CSMD1: variants seen among roughly 807,000 people sequenced by gnomAD.
The protein encoded by CSMD1 is CUB and sushi domain-containing protein 1.
In CSMD1, 213 loss-of-function variants were observed where a neutral mutation model predicts 417.5. That is an observed-to-expected ratio of 0.51 (90% confidence interval 0.46 to 0.57). CSMD1 has a LOEUF of 0.57. Among genes scored for constraint, CSMD1 ranks in the 20% least tolerant of loss-of-function variants. CSMD1 has a pLI of 0.00. For missense variants in CSMD1, 6,923 were observed against 4,529.7 expected (o/e 1.53, Z -15.17); for synonymous variants, 2,862 against 1,736.8 (o/e 1.65, Z -16.11).
At chr8:4,755,941 C>G (rs1161042112) in intron 1 of CSMD1, among the ~76,000 whole-genome samples, 1 of 152,166 alleles carries the variant, frequency 6.6e-6, no homozygotes, top group African/African-American at 2.4e-5. Context: ...TTACCTAAAA[C>G]ACTGGTTTCA....
chr8:3,502,242 G>C (rs1251471033), intron 10 of CSMD1, among the ~76,000 whole-genome samples: 5 of 151,398 alleles, frequency 3.3e-5, no homozygotes, highest in African/African-American at 1.2e-4. Flanking sequence ...GTGGGCGCCT[G>C]TAGTCCCAGC....
intron 1 of CSMD1, among the ~76,000 whole-genome samples, chr8:4,831,752 C>G (rs1473747237): frequency 6.6e-6 from 1 of 152,124 alleles, no homozygotes; most frequent in Non-Finnish European, 1.5e-5. Context: ...GGTTCTAGTC[C>G]AATTCCTACA....
At chr8:4,388,488 T>A (rs1803621057) in intron 3 of CSMD1, among the ~76,000 whole-genome samples, 1 of 148,198 alleles carries the variant, frequency 6.7e-6, no homozygotes, top group Non-Finnish European at 1.5e-5. Context: ...CACTGATATG[T>A]GGGAGGTAAG....
At chr8:4,485,102 T>A (rs1435570761) in intron 2 of CSMD1, among the ~76,000 whole-genome samples, 1 of 150,860 alleles carries the variant, frequency 6.6e-6, no homozygotes, top group Non-Finnish European at 1.5e-5. Context: ...TGAGAGAGGG[T>A]CTGTATTCAG....
chr8:3,775,882 T>G (rs2129060917), intron 5 of CSMD1, among the ~76,000 whole-genome samples: 1 of 152,310 alleles, frequency 6.6e-6, no homozygotes, highest in South Asian at 2.1e-4. Context: ...CTCTCTCCCT[T>G]GCGCCACATG....
At chr8:3,749,489 C>G (rs1407962638) in intron 6 of CSMD1, among the ~76,000 whole-genome samples, 1 of 152,044 alleles carries the variant, frequency 6.6e-6, no homozygotes, top group Non-Finnish European at 1.5e-5. Flanking sequence ...AAGTGTAAGA[C>G]TCCGAGAATA....
At chr8:3,708,013 T>C (rs1006814008) in intron 7 of CSMD1, among the ~76,000 whole-genome samples, 1 of 152,218 alleles carries the variant, frequency 6.6e-6, no homozygotes, top group African/African-American at 2.4e-5. Context: ...AGGCAGTGAA[T>C]GGTCAATAAT....
rs146635684 is a variant in CSMD1, at chr8:3,059,149, A to G, written c.7475-6502T>C. ...AAATGAAGGTCTCCCCATCCCATCA[A>G]AGCGTATTTTAGCACGACTATTAAT... On this transcript the variant is annotated intron_variant, in intron 49 of 69. Coordinates refer to ENST00000635120, the MANE Select transcript of CSMD1 (RefSeq NM_033225.6). Among the ~76,000 whole-genome samples the G allele has an allele frequency of 2.3e-3, 343 of 152,080 alleles. 3 individuals are homozygous for G. Among genetic ancestry groups the G allele is most frequent in the African/African-American group, 7.9e-3 (327 of 41,472 alleles).
chr8:3,115,289 C>A (rs1785404560), intron 42 of CSMD1, among the ~76,000 whole-genome samples: 2 of 149,980 alleles, frequency 1.3e-5, no homozygotes, highest in African/African-American at 4.9e-5. Flanking sequence ...GCAACCTCCG[C>A]CTTCTGCGTT....
chr8:4,489,158 T>G (rs1311362916), intron 2 of CSMD1, among the ~76,000 whole-genome samples: 1 of 152,108 alleles, frequency 6.6e-6, no homozygotes, highest in Non-Finnish European at 1.5e-5. Context: ...GTGATCTACC[T>G]GCCTCGGCCT....
intron 15 of CSMD1, among the ~76,000 whole-genome samples, chr8:3,404,458 A>G (rs2116890297): frequency 6.6e-6 from 1 of 152,180 alleles, no homozygotes; most frequent in African/African-American, 2.4e-5. Flanking sequence ...TGTGGTTGTC[A>G]TGGAGGAGTT....
At chr8:4,425,506 C>G (rs887659990) in intron 2 of CSMD1, among the ~76,000 whole-genome samples, 1 of 152,066 alleles carries the variant, frequency 6.6e-6, no homozygotes, top group Non-Finnish European at 1.5e-5. Context: ...GCCATTTACT[C>G]CACACTGGCT....
At chr8:4,960,327 T>G (rs565296732) in intron 1 of CSMD1, among the ~76,000 whole-genome samples, 4 of 152,200 alleles carry the variant, frequency 2.6e-5, no homozygotes, top group Non-Finnish European at 5.9e-5. Flanking sequence ...GTGTTTAATG[T>G]TCTGACATCT....
intron 17 of CSMD1, among the ~76,000 whole-genome samples, chr8:3,393,610 C>T (rs980090401): frequency 1.3e-5 from 2 of 152,036 alleles, no homozygotes; most frequent in Non-Finnish European, 2.9e-5. Flanking sequence ...AAATGATAGA[C>T]TGGATTGAGA....
chr8:4,960,886 C>G (rs1300453717), intron 1 of CSMD1, among the ~76,000 whole-genome samples: 1 of 152,126 alleles, frequency 6.6e-6, no homozygotes, highest in Non-Finnish European at 1.5e-5. Flanking sequence ...AAAGATTCCT[C>G]AACTCCTGAA....
intron 10 of CSMD1, among the ~76,000 whole-genome samples, chr8:3,494,243 TG>T (rs1796266401): frequency 6.6e-6 from 1 of 151,924 alleles, no homozygotes; most frequent in Admixed American, 6.5e-5. Context: ...GTTTTTTGTT[TG>T]TTTTTTTACA....
chr8:3,516,359 A>G (rs993468778), intron 10 of CSMD1, among the ~76,000 whole-genome samples: 10 of 152,196 alleles, frequency 6.6e-5, no homozygotes, highest in Non-Finnish European at 1.5e-4. Context: ...AAGTTGCAAG[A>G]CAGCTTAGTA....
At chr8:4,736,861 G>A (rs1418237685) in intron 1 of CSMD1, among the ~76,000 whole-genome samples, 2 of 152,138 alleles carry the variant, frequency 1.3e-5, no homozygotes, top group Non-Finnish European at 2.9e-5. Flanking sequence ...CCTACCTAAT[G>A]CAGAGCTGGT....
intron 1 of CSMD1, among the ~76,000 whole-genome samples, chr8:4,677,525 G>A (rs766123572): frequency 1.3e-5 from 2 of 152,036 alleles, no homozygotes; most frequent in Admixed American, 6.6e-5. Flanking sequence ...TCCAGTGAAG[G>A]ATTTCCTTAT....
Sources: allele counts gnomAD v4.1 joint callset (sites outside exome capture counted in the v4.1 genomes callset), GRCh38; gene constraint gnomAD v4.1.1; transcripts MANE v1.5; gene names NCBI Gene and HGNC (gene_info 2026-07-23, HGNC 2026-07-21).